Variants in DTWD2 observed in about 807,000 individuals in gnomAD.
DTWD2 encodes DTW motif tRNA-uridine aminocarboxypropyltransferase 2, also known as tRNA-uridine aminocarboxypropyltransferase 2.
In DTWD2, 39 loss-of-function variants were observed where a neutral mutation model predicts 31.8. That is an observed-to-expected ratio of 1.22 (90% confidence interval 0.95 to 1.60). The LOEUF is 1.60. DTWD2 is among the 40% of genes most tolerant of loss of function. The pLI, the probability that DTWD2 is intolerant of heterozygous loss-of-function variation, is 0.00. For synonymous variants in DTWD2, 180 were observed against 142.8 expected (o/e 1.26, Z -1.86); for missense variants, 515 against 381.5 (o/e 1.35, Z -2.92).
chr5:118,893,294 G>T (rs940360846), intron 4 of DTWD2, among the ~76,000 whole-genome samples: 2 of 150,258 alleles, frequency 1.3e-5, no homozygotes, highest in Admixed American at 1.3e-4. Context: ...CTGGGAAGTG[G>T]AGGTTGCAGT....
chr5:118,838,629 A>C lies in DTWD2; in HGVS notation c.*2288T>G, dbSNP rs931367338. ...GATTAAATGGACTCACCTTGTTAAG[A>C]GGTCAGGAAAAAATAAGTAAAAAAC... is the stretch of plus-strand genomic sequence containing the variant. On this transcript the variant is annotated 3_prime_UTR_variant, in exon 6 of 6. Coordinates refer to ENST00000510708, the MANE Select transcript of DTWD2 (RefSeq NM_173666.4). 2.2e-4 allele frequency: 33 copies of C among 152,176 alleles called. No homozygotes were observed. Among genetic ancestry groups the C allele is most frequent in the African/African-American group, 7.5e-4 (31 of 41,444 alleles). The allele number at this position is 152,176 out of a possible 1,614,324, so 9.4% of individuals were successfully genotyped here. A position where few individuals can be genotyped will look rare whatever the true frequency, so the allele number is the denominator to read the frequency against.
rs763084449 is a variant in DTWD2, at chr5:118,930,517, G to A, written c.405-1788C>T. ...GATTCGTCAGAGAATTGAGGCTCCA[G>A]GGCAAACACTCCAAAAACCAGAGGA... On this transcript the variant is annotated intron_variant, in intron 3 of 5. Coordinates refer to ENST00000510708, the MANE Select transcript of DTWD2 (RefSeq NM_173666.4). Among the ~76,000 whole-genome samples the A allele has an allele frequency of 1.9e-4, 29 of 152,014 alleles. 1 individual carries two copies. The highest frequency in any genetic ancestry group is 8.3e-4 in the South Asian group (4 of 4,806).
At chr5:118,885,316 G>A (rs1372817604) in intron 4 of DTWD2, among the ~76,000 whole-genome samples, 1 of 151,796 alleles carries the variant, frequency 6.6e-6, no homozygotes, top group Admixed American at 6.6e-5. Context: ...AGCTGGGTGT[G>A]GTGGCGGGCA....
intron 1 of DTWD2, among the ~76,000 whole-genome samples, chr5:118,985,215 C>T (rs1392432725): frequency 1.3e-5 from 2 of 152,016 alleles, no homozygotes; most frequent in Admixed American, 1.3e-4. Flanking sequence ...AACCAGAGCT[C>T]ACTTTTTCCT....
At chr5:118,937,260 T>C (rs1156306787) in intron 3 of DTWD2, among the ~76,000 whole-genome samples, 1 of 152,000 alleles carries the variant, frequency 6.6e-6, no homozygotes, top group African/African-American at 2.4e-5. Flanking sequence ...CAAACACCCA[T>C]TCATAATTAA....
intron 4 of DTWD2, among the ~76,000 whole-genome samples, chr5:118,864,691 C>T (rs926528180): frequency 2.0e-5 from 3 of 149,904 alleles, no homozygotes; most frequent in Non-Finnish European, 3.0e-5. Context: ...TGTTAGGGTA[C>T]ATGTGTGTGT....
intron 4 of DTWD2, among the ~76,000 whole-genome samples, chr5:118,920,514 T>C (rs1380390770): frequency 1.3e-5 from 2 of 152,166 alleles, no homozygotes; most frequent in African/African-American, 4.8e-5. Context: ...ACAGTTCATT[T>C]TGTTGAAATA....
At chr5:118,848,318 C>A in intron 4 of DTWD2, 100 bp from the exon 5 acceptor site, 1 of 1,124,642 alleles carries the variant, frequency 8.9e-7, no homozygotes, top group Non-Finnish European at 1.2e-6. Flanking sequence ...AAACTGCCAG[C>A]AGCTTAGAAG....
rs188782753 is a variant in DTWD2 at position 118,881,224 on chromosome 5, A to C, written c.598-33006T>G. Among the ~76,000 whole-genome samples the C allele has an allele frequency of 3.9e-5, 6 of 152,352 alleles. No homozygotes were observed. The East Asian group carries it at 9.6e-4, about 24-fold the overall frequency. ...GGTACCATTTTTAAAATATCTGTTA[A>C]GTCACATGAATTTCACAAGAATTTG... On this transcript the variant is annotated intron_variant, in intron 4 of 5. Coordinates refer to ENST00000510708, the MANE Select transcript of DTWD2 (RefSeq NM_173666.4).
At chr5:118,906,144 T>C (rs1211174579) in intron 4 of DTWD2, among the ~76,000 whole-genome samples, 2 of 152,112 alleles carry the variant, frequency 1.3e-5, no homozygotes, top group East Asian at 1.9e-4. Context: ...CAAAATGAGA[T>C]ATCCCTACTC....
rs569996352 is a variant in DTWD2 at position 118,894,209 on chromosome 5, A to G, written c.597+34328T>C. On this transcript the variant is annotated intron_variant, in intron 4 of 5. Coordinates refer to ENST00000510708, the MANE Select transcript of DTWD2 (RefSeq NM_173666.4). ...TTCTAATCCACTTTTAAACTCTGATAGAAGAGCGACCCTTCTAAAATGTAA... is the reference window on the plus strand; with the variant it reads ...TTCTAATCCACTTTTAAACTCTGATGGAAGAGCGACCCTTCTAAAATGTAA... 1.6e-4 allele frequency among the ~76,000 whole-genome samples: 24 copies of G among 152,280 alleles called. No individual in the cohort carries two copies. The South Asian group carries it at 1.9e-3, about 12-fold the overall frequency.
chr5:118,942,962 T>C (rs746691592), intron 2 of DTWD2, among the ~76,000 whole-genome samples: 6 of 152,054 alleles, frequency 3.9e-5, no homozygotes, highest in Non-Finnish European at 7.4e-5. Context: ...ACCACCACAC[T>C]TGGCTAATTT....
At chr5:118,913,963 G>T (rs899153049) in intron 4 of DTWD2, among the ~76,000 whole-genome samples, 27 of 136,474 alleles carry the variant, frequency 2.0e-4, no homozygotes, top group Non-Finnish European at 1.6e-4. Flanking sequence ...GTTAAACCAA[G>T]CATACAATAA....
chr5:118,914,984 T>A (rs756243410), intron 4 of DTWD2, among the ~76,000 whole-genome samples: 1 of 152,154 alleles, frequency 6.6e-6, no homozygotes, highest in Non-Finnish European at 1.5e-5. Context: ...CCCAGCACTG[T>A]GGGAGGCTAA....
intron 4 of DTWD2, among the ~76,000 whole-genome samples, chr5:118,892,637 C>T (rs1752999425): frequency 6.6e-6 from 1 of 152,008 alleles, no homozygotes; most frequent in East Asian, 1.9e-4. Context: ...CGACAAAAAA[C>T]ATTCAAAATC....
At chr5:118,969,213 A>T (rs1754925406) in intron 1 of DTWD2, among the ~76,000 whole-genome samples, 1 of 151,746 alleles carries the variant, frequency 6.6e-6, no homozygotes, top group South Asian at 2.1e-4. Context: ...GGAAGCGGTG[A>T]CTGTATTTGC....
At chr5:118,977,522 A>T (rs1399270955) in intron 1 of DTWD2, among the ~76,000 whole-genome samples, 1 of 152,196 alleles carries the variant, frequency 6.6e-6, no homozygotes, top group Non-Finnish European at 1.5e-5. Flanking sequence ...CAAAAATCAC[A>T]AGCATTCCTA....
At chr5:118,853,238 T>C (rs1425046936) in intron 4 of DTWD2, among the ~76,000 whole-genome samples, 14 of 152,092 alleles carry the variant, frequency 9.2e-5, no homozygotes, top group Admixed American at 9.2e-4. Flanking sequence ...TTTTTTTAAG[T>C]TAAAAAATAA....
chr5:118,954,358 G>A (rs940711729), intron 1 of DTWD2, among the ~76,000 whole-genome samples: 38 of 152,050 alleles, frequency 2.5e-4, no homozygotes, highest in Non-Finnish European at 5.6e-4. Context: ...TTTCTTCACA[G>A]CATTTTACTA....
Sources: gnomAD v4.1 joint callset for allele counts (sites outside exome capture counted in the v4.1 genomes callset) on GRCh38, gnomAD v4.1.1 for gene constraint, MANE v1.5 for transcripts, NCBI Gene and HGNC (gene_info 2026-07-23, HGNC 2026-07-21) for gene names.